The following TTLL5 variants were observed in gnomAD, a reference collection of about 807,000 sequenced individuals.
TTLL5 encodes tubulin polyglutamylase TTLL5.
TTLL5 carries 132 observed loss-of-function variants against 168.4 expected under a neutral mutation model. The ratio of observed to expected loss-of-function variants is 0.78; its 90% CI spans 0.68 to 0.91. The LOEUF is 0.91. TTLL5 is among the 40% of genes least tolerant of loss of function. The probability of loss-of-function intolerance (pLI) is 0.00; values close to 1 mark genes in which losing one functional copy is unlikely to be tolerated. For missense variants in TTLL5, 1,545 were observed against 1,581.5 expected (o/e 0.98, Z 0.39); for synonymous variants, 546 against 558.6 (o/e 0.98, Z 0.32).
chr14:75,827,946 G>A (rs1488866791), intron 28 of TTLL5, among the ~76,000 whole-genome samples: 1 of 151,752 alleles, frequency 6.6e-6, no homozygotes, highest in Non-Finnish European at 1.5e-5. Context: ...TGAACTCCCA[G>A]GCTAAAGCAG....
chr14:75,757,131 C>T (rs1019593733), intron 18 of TTLL5, among the ~76,000 whole-genome samples: 3 of 152,098 alleles, frequency 2.0e-5, no homozygotes, highest in Non-Finnish European at 2.9e-5. Context: ...GTGCACGCCA[C>T]CACGCCTGGC....
rs5809741 is a variant in TTLL5, at chr14:75,940,077, C to CTTTTTTTT, written c.3824-14332_3824-14325dup. Among the ~76,000 whole-genome samples, 28 of 78,818 alleles carry CTTTTTTTT rather than the reference C, an allele frequency of 3.6e-4. 1 individual carries two copies. In the South Asian group the frequency reaches 5.0e-3, roughly 14 times the overall value. The allele number at this position is 78,818 out of a possible 152,430, so 51.7% of individuals were successfully genotyped here. ...AGAGCTCCCTATAAAGAAATTAAAT[C>CTTTTTTTT]TTTTTTTTTTTTTTTTTTTTTTGAG... On this transcript the variant is annotated intron_variant, in intron 31 of 31. Coordinates refer to ENST00000298832, the MANE Select transcript of TTLL5 (RefSeq NM_015072.5).
intron 3 of TTLL5, among the ~76,000 whole-genome samples, chr14:75,677,364 T>C (rs1030066817): frequency 6.6e-6 from 1 of 150,960 alleles, no homozygotes; most frequent in Non-Finnish European, 1.5e-5. Context: ...AGTTTGATTC[T>C]AGAGATTCTC....
In TTLL5 at chr14:75,808,626, C is replaced by T. The variant is rs148818019; in HGVS notation, c.3172-11381C>T. 8.9e-4 allele frequency among the ~76,000 whole-genome samples: 135 copies of T among 152,192 alleles called. 1 individual carries two copies. In the Middle Eastern group the frequency reaches 0.01, roughly 12 times the overall value. ...TCCTCTTCTTTTACCTTGAGTGAAACAGATCTTGGTCCACTGATATTTCCT... is the reference window on the plus strand; with the variant it reads ...TCCTCTTCTTTTACCTTGAGTGAAATAGATCTTGGTCCACTGATATTTCCT... On this transcript the variant is annotated intron_variant, in intron 27 of 31. Coordinates refer to ENST00000298832, the MANE Select transcript of TTLL5 (RefSeq NM_015072.5).
At chr14:75,753,824 AC>A (rs1391511185) in intron 18 of TTLL5, among the ~76,000 whole-genome samples, 1 of 151,948 alleles carries the variant, frequency 6.6e-6, no homozygotes, top group Non-Finnish European at 1.5e-5. Context: ...CTCTATGAAA[AC>A]TTTTACAAGG....
intron 27 of TTLL5, among the ~76,000 whole-genome samples, chr14:75,799,557 T>C (rs1186304066): frequency 2.0e-5 from 3 of 152,214 alleles, no homozygotes; most frequent in Admixed American, 6.5e-5. Context: ...TATTGTTTTA[T>C]AGGCCCTGTA....
intron 4 of TTLL5, among the ~76,000 whole-genome samples, chr14:75,682,203 A>C (rs1290536313): frequency 3.4e-5 from 5 of 146,692 alleles, no homozygotes; most frequent in Admixed American, 6.6e-5. Flanking sequence ...AAAAAAAAAA[A>C]AAACAAACCC....
chr14:75,789,581 C>T (rs960366657), intron 26 of TTLL5, among the ~76,000 whole-genome samples: 2 of 152,032 alleles, frequency 1.3e-5, no homozygotes, highest in Admixed American at 1.3e-4. Context: ...CTTTTGCAGC[C>T]ATCACCACCA....
At chr14:75,820,219 A>G in intron 28 of TTLL5, 58 bp downstream of exon 28, 3 of 1,472,928 alleles carry the variant, frequency 2.0e-6, no homozygotes, top group Admixed American at 2.5e-5. Flanking sequence ...CTGTGTCCCA[A>G]GCAAGCCATT....
At chr14:75,882,047 G>A (rs1225741022) in intron 29 of TTLL5, among the ~76,000 whole-genome samples, 1 of 152,126 alleles carries the variant, frequency 6.6e-6, no homozygotes, top group Non-Finnish European at 1.5e-5. Flanking sequence ...ATTTTACTTT[G>A]AAAGCGCTTT....
chr14:75,814,816 C>T (rs1894291630), intron 27 of TTLL5, among the ~76,000 whole-genome samples: 2 of 152,168 alleles, frequency 1.3e-5, no homozygotes, highest in African/African-American at 4.8e-5. Context: ...TAACCACTAG[C>T]TACATCTGGC....
At chr14:75,716,711 G>A (rs1430199632) in intron 9 of TTLL5, among the ~76,000 whole-genome samples, 2 of 151,884 alleles carry the variant, frequency 1.3e-5, no homozygotes, top group African/African-American at 2.4e-5. Context: ...ATAACCATTC[G>A]CCTTGAGTGT....
At position 75,671,377 on chromosome 14, in the gene TTLL5, G is replaced by C. The variant is rs1020270622; in HGVS notation, c.181+1855G>C. Among the ~76,000 whole-genome samples the C allele has an allele frequency of 2.0e-5, 3 of 152,284 alleles. No individual in the cohort carries two copies. In the East Asian group the frequency reaches 5.8e-4, roughly 29 times the overall value. On this transcript the variant is annotated intron_variant, in intron 3 of 31. Transcript: ENST00000298832. ...CTTTTTCAAGATCTCTGGCCATTCAGGGTCCCTTGCAATTCCATATGAATG... is the reference window on the plus strand; with the variant it reads ...CTTTTTCAAGATCTCTGGCCATTCACGGTCCCTTGCAATTCCATATGAATG...
At chr14:75,883,342 T>C (rs1257049983) in intron 30 of TTLL5, among the ~76,000 whole-genome samples, 4 of 152,242 alleles carry the variant, frequency 2.6e-5, no homozygotes, top group Admixed American at 6.5e-5. Flanking sequence ...AAAAAGACAT[T>C]TCCTTTCCTG....
At chr14:75,870,457 G>T (rs1003003663) in intron 29 of TTLL5, among the ~76,000 whole-genome samples, 1 of 151,848 alleles carries the variant, frequency 6.6e-6, no homozygotes, top group Non-Finnish European at 1.5e-5. Context: ...GTTCTTGGGC[G>T]TAACAATCTT....
chr14:75,908,852 C>T (rs1330859576), intron 31 of TTLL5, among the ~76,000 whole-genome samples: 1 of 152,112 alleles, frequency 6.6e-6, no homozygotes, highest in Non-Finnish European at 1.5e-5. Context: ...TCACGGCTCA[C>T]TGCAACCTCC....
At chr14:75,814,443 G>A (rs1033296521) in intron 27 of TTLL5, 4 of 152,280 alleles carry the variant, frequency 2.6e-5, no homozygotes, top group East Asian at 1.9e-4. Context: ...GCCTGGTAAC[G>A]TCTATAATCA....
intron 30 of TTLL5, among the ~76,000 whole-genome samples, chr14:75,893,673 C>T (rs920515481): frequency 2.0e-5 from 3 of 152,004 alleles, no homozygotes; most frequent in African/African-American, 2.4e-5. Flanking sequence ...AAAAAATTAG[C>T]TGGGCGGGGT....
At chr14:75,873,073 A>G (rs116438135) in intron 29 of TTLL5, among the ~76,000 whole-genome samples, 2,744 of 110,424 alleles carry the variant, frequency 0.025, 85 homozygotes, top group African/African-American at 0.091. Context: ...GATCTCCAGA[A>G]CTTTTTTTTT....
Sources: gnomAD v4.1 joint callset for allele counts (sites outside exome capture counted in the v4.1 genomes callset) on GRCh38, gnomAD v4.1.1 for gene constraint, MANE v1.5 for transcripts, NCBI Gene and HGNC (gene_info 2026-07-23, HGNC 2026-07-21) for gene names.